The following SLC13A5 variants were observed in gnomAD, a reference collection of about 807,000 sequenced individuals.
SLC13A5 encodes the protein solute carrier family 13 member 5, also known as Na(+)/citrate cotransporter.
In SLC13A5, 25 loss-of-function variants were observed where a neutral mutation model predicts 56.5. The observed-to-expected ratio is 0.44, with a 90% CI of 0.32 to 0.62. SLC13A5 has a LOEUF of 0.62. SLC13A5 is among the 20% of genes least tolerant of loss of function. The pLI is 0.04. For missense variants in SLC13A5, 649 were observed against 737.8 expected (o/e 0.88, Z 1.39); for synonymous variants, 307 against 301.5 (o/e 1.02, Z -0.19).
chr17:6,710,552 G>A (rs1567627136), intron 1 of SLC13A5, among the ~76,000 whole-genome samples: 1 of 152,132 alleles, frequency 6.6e-6, no homozygotes, highest in Non-Finnish European at 1.5e-5. Flanking sequence ...CGAGACACAA[G>A]GTTAACTGCC....
chr17:6,706,840 T>C, intron 2 of SLC13A5, 62 bp from the exon 3 acceptor site: 1 of 1,597,860 alleles, frequency 6.3e-7, no homozygotes, highest in Non-Finnish European at 8.6e-7. Context: ...AGCCACCCAG[T>C]CCCCAGATGC....
chr17:6,686,379 G>T, intron 11 of SLC13A5, 41 bp from the exon 12 acceptor site: 2 of 1,612,832 alleles, frequency 1.2e-6, no homozygotes, highest in Non-Finnish European at 8.5e-7. Context: ...GCCTGCTGGG[G>T]ACTAGTGCTC....
intron 5 of SLC13A5, among the ~76,000 whole-genome samples, chr17:6,702,205 T>C (rs1307915452): frequency 1.3e-5 from 2 of 152,166 alleles, no homozygotes; most frequent in Non-Finnish European, 2.9e-5. Context: ...CATCACCTTA[T>C]TTTTGTGCCT....
intron 1 of SLC13A5, among the ~76,000 whole-genome samples, chr17:6,708,248 G>A (rs544744173): frequency 3.4e-4 from 52 of 152,340 alleles, no homozygotes; most frequent in Middle Eastern, 3.4e-3. Context: ...GATTACAGGC[G>A]TGAGCCACCG....
rs1200518970 is a variant in SLC13A5 at position 6,686,876 on chromosome 17, G to T, written c.1576-538C>A. Reference sequence around the variant, plus strand: ...ACCTTTTTTTTTGAAAATGCTCATGGAGTCCCTGAGATACCCAGCAGAGGC... The same window carrying T: ...ACCTTTTTTTTTGAAAATGCTCATGTAGTCCCTGAGATACCCAGCAGAGGC... On this transcript the variant is annotated intron_variant, in intron 11 of 11. Coordinates refer to ENST00000433363, the MANE Select transcript of SLC13A5 (RefSeq NM_177550.5). 3 of 157,032 alleles carry T rather than the reference G, an allele frequency of 1.9e-5. No homozygotes were observed. The East Asian group carries it at 5.6e-4, about 29-fold the overall frequency. 9.7% of individuals were successfully genotyped at this position (157,032 alleles called of 1,614,324 possible). A position where few individuals can be genotyped will look rare whatever the true frequency, so the allele number is the denominator to read the frequency against.
chr17:6,706,449 C>T (rs557810716), intron 3 of SLC13A5, among the ~76,000 whole-genome samples, 193 bp downstream of exon 3: 1 of 152,346 alleles, frequency 6.6e-6, no homozygotes, highest in East Asian at 1.9e-4. Flanking sequence ...CTTACTGCTG[C>T]TCACCATGTG....
rs1437917977 is a variant in SLC13A5, at chr17:6,703,057, A to G, written c.629T>C (p.Leu210Pro). Residue 210 changes from leucine (L) to proline (P), a missense_variant, in exon 5 of 12, where the codon CTG becomes CCG. Physicochemically the swap from Leu to Pro is moderately conservative, Grantham distance 98. Transcript: ENST00000433363. ...ERKRLCKAMT[L>P]CICYAASIGG... ...GATGCTGGCCGCGTAGCAGATGCAC[A>G]GGGTCATGGCCTTACACAACCTCTT... is the stretch of plus-strand genomic sequence containing the variant. 1.2e-6 allele frequency: 2 copies of G among 1,614,060 alleles called. No individual in the cohort carries two copies. Among genetic ancestry groups the G allele is most frequent in the Non-Finnish European group, 1.7e-6 (2 of 1,180,042 alleles).
chr17:6,694,873 C>T (rs1973516645), intron 7 of SLC13A5, among the ~76,000 whole-genome samples: 1 of 152,216 alleles, frequency 6.6e-6, no homozygotes, highest in African/African-American at 2.4e-5. Context: ...CCAGCATCTC[C>T]CTGCCCACAT....
rs549681667 is a variant in SLC13A5 at position 6,699,714 on chromosome 17, G to A, written c.839+1290C>T. On this transcript the variant is annotated intron_variant, in intron 6 of 11. Coordinates refer to ENST00000433363, the MANE Select transcript of SLC13A5 (RefSeq NM_177550.5). ...TCGAGCTCCTGACCTCAGGCGATCCGCCCTCCTTGGCCTCCCAAAGTGCTG... is the reference window on the plus strand; with the variant it reads ...TCGAGCTCCTGACCTCAGGCGATCCACCCTCCTTGGCCTCCCAAAGTGCTG... Among the ~76,000 whole-genome samples, 29 of 152,092 alleles carry A rather than the reference G, an allele frequency of 1.9e-4. 1 individual carries two copies. In the East Asian group the frequency reaches 5.2e-3, roughly 27 times the overall value.
At chr17:6,697,516 A>C (rs1034331600) in intron 6 of SLC13A5, among the ~76,000 whole-genome samples, 2 of 152,192 alleles carry the variant, frequency 1.3e-5, no homozygotes, top group African/African-American at 4.8e-5. Context: ...GATGCAAGTA[A>C]ATGGATCCAG....
Position 6,685,601 on chromosome 17 carries a change from T to TTAAAAAA in SLC13A5, c.*605_*606insTTTTTTA. ...TGAAGTTGGCAACTCAGATTCCTCA[T>TTAAAAAA]CCTTTGGTGGTGGCCACAGGAGGAG... On this transcript the variant is annotated 3_prime_UTR_variant, in exon 12 of 12. Coordinates refer to ENST00000433363, the MANE Select transcript of SLC13A5 (RefSeq NM_177550.5). This position sits in a 1 kb window ranked among gnomAD's most constrained non-coding sequence, Gnocchi z 4.2. 1 of 154,166 alleles carries TTAAAAAA rather than the reference T, an allele frequency of 6.5e-6. No homozygotes were observed. The highest frequency in any genetic ancestry group is 6.3e-5 in the Admixed American group (1 of 15,792). The allele number at this position is 154,166 out of a possible 1,614,324, so 9.5% of individuals were successfully genotyped here.
rs1482844541 is a variant in SLC13A5 at position 6,711,520 on chromosome 17, G to C, written c.102+1712C>G. Among the ~76,000 whole-genome samples the C allele has an allele frequency of 6.7e-6, 1 of 150,332 alleles. No individual in the cohort carries two copies. The highest frequency in any genetic ancestry group is 2.1e-4 in the South Asian group (1 of 4,738). On this transcript the variant is annotated intron_variant, in intron 1 of 11. Coordinates refer to ENST00000433363, the MANE Select transcript of SLC13A5 (RefSeq NM_177550.5). The surrounding 1 kb of genome is among the most constrained non-coding windows in gnomAD (Gnocchi z 4.0). ...TGTGTGTGTGTGTATGTGTATGTGT[G>C]TGTTTGTGTTTTTTGTGTGTTTTGT...
At chr17:6,706,518 C>T (rs1333251922) in intron 3 of SLC13A5, 124 bp downstream of exon 3, 1 of 1,385,118 alleles carries the variant, frequency 7.2e-7, no homozygotes, top group Non-Finnish European at 9.7e-7. Context: ...CCCACCCAGC[C>T]AAGTCCAGGT....
intron 6 of SLC13A5, 131 bp downstream of exon 6, chr17:6,700,873 G>T (rs1027379407): frequency 7.4e-7 from 1 of 1,344,222 alleles, no homozygotes. Context: ...CAGACTAGCA[G>T]GAGACAGGGC....
Position 6,690,876 on chromosome 17 carries a change from G to A in SLC13A5, c.1340C>T (p.Ala447Val), listed in dbSNP as rs1473580720. 1 of 1,614,210 alleles carries A rather than the reference G, an allele frequency of 6.2e-7. No individual in the cohort carries two copies. The highest frequency in any genetic ancestry group is 1.7e-5 in the Admixed American group (1 of 60,034). Reference protein sequence around the residue: ...MEPLHAVPPAAITLILSLLVA... With the variant: ...MEPLHAVPPAVITLILSLLVA... ...GAGCAAGGACAAGATCAAGGTGATG[G>A]CTGCCGGGGGCACTGCGTGCAAGGG... Residue 447 changes from alanine to valine, a missense_variant, in exon 10 of 12, where the codon GCC (alanine) becomes GTC (valine). Ala to Val is a moderately conservative substitution (Grantham distance 64, BLOSUM62 0). Coordinates refer to ENST00000433363, the MANE Select transcript of SLC13A5 (RefSeq NM_177550.5).
rs748256770 is a variant in SLC13A5, at chr17:6,694,132, T to C, written c.1121A>G (p.Lys374Arg). ...ATLLFIVPSQ[K>R]PKFNFRSQTE... The stretch of plus-strand genomic sequence containing the variant: ...CTGGCTGCGGAAGTTAAACTTGGGC[T>C]TCTGTGAAGGCACAATGAATAGCAG... Residue 374 changes from lysine to arginine, a missense_variant, in exon 8 of 12, where the codon AAG becomes AGG. Coordinates refer to ENST00000433363, the MANE Select transcript of SLC13A5 (RefSeq NM_177550.5). 2 of 1,613,602 alleles carry C rather than the reference T, an allele frequency of 1.2e-6. No individual in the cohort carries two copies.
chr17:6,704,516 C>T, intron 3 of SLC13A5: 1 of 333,588 alleles, frequency 3.0e-6, no homozygotes, highest in Non-Finnish European at 6.0e-6. Flanking sequence ...TCTGTTGCAC[C>T]TCTCAGAAGT....
intron 6 of SLC13A5, among the ~76,000 whole-genome samples, chr17:6,700,247 G>A (rs540627929): frequency 1.3e-5 from 2 of 152,204 alleles, no homozygotes; most frequent in African/African-American, 2.4e-5. Context: ...TCTGTCCAAA[G>A]TCTGGCTGCC....
rs1341010346 is a variant in SLC13A5, at chr17:6,685,861, G to C, written c.*346C>G. On this transcript the variant is annotated 3_prime_UTR_variant, in exon 12 of 12. Transcript: ENST00000433363. This position sits in a 1 kb window ranked among gnomAD's most constrained non-coding sequence, Gnocchi z 4.2. ...TCTAGGACGAAGCGAGTGAAAACCAGAGCCCTGTGTGGGGGATGCTTGAGG... is the reference window on the plus strand; with the variant it reads ...TCTAGGACGAAGCGAGTGAAAACCACAGCCCTGTGTGGGGGATGCTTGAGG... 3.4e-6 allele frequency: 1 copy of C among 292,530 alleles called. No individual in the cohort carries two copies. The highest frequency in any genetic ancestry group is 6.6e-6 in the Non-Finnish European group (1 of 150,446). The allele number at this position is 292,530 out of a possible 1,614,324, so 18.1% of individuals were successfully genotyped here. A position where few individuals can be genotyped will look rare whatever the true frequency, so the allele number is the denominator to read the frequency against.
Sources: allele counts gnomAD v4.1 joint callset (sites outside exome capture counted in the v4.1 genomes callset), GRCh38; gene constraint gnomAD v4.1.1; non-coding constraint Gnocchi (gnomAD v3.1); transcripts MANE v1.5; gene names NCBI Gene and HGNC (gene_info 2026-07-23, HGNC 2026-07-21).